IPO5: variants seen among roughly 807,000 people sequenced by gnomAD.
The protein encoded by IPO5 is importin 5, also known as importin-5.
In IPO5, 18 loss-of-function variants were observed where a neutral mutation model predicts 143.3. The observed-to-expected ratio is 0.13, with a 90% CI of 0.09 to 0.19. IPO5 has a LOEUF of 0.19. IPO5 is among the 10% of genes least tolerant of loss of function. The probability of loss-of-function intolerance (pLI) is 1.00; values close to 1 mark genes in which losing one functional copy is unlikely to be tolerated. For synonymous variants in IPO5, 477 were observed against 465.7 expected, an observed-to-expected ratio of 1.02 and a Z score of -0.31; for missense variants, 1,013 against 1,336.9, an observed-to-expected ratio of 0.76 and a Z score of 3.78.
Position 98,000,950 on chromosome 13 carries a change from ACT to A in IPO5, c.1108+308_1108+309del, listed in dbSNP as rs984968477. 8.7e-5 allele frequency: 28 copies of A among 322,864 alleles called. No homozygotes were observed. The East Asian group carries it at 1.4e-3, about 17-fold the overall frequency. The allele number at this position is 322,864 out of a possible 1,614,324, so 20.0% of individuals were successfully genotyped here. A position where few individuals can be genotyped will look rare whatever the true frequency, so the allele number is the denominator to read the frequency against. On this transcript the variant is annotated intron_variant, in intron 13 of 28. Coordinates refer to ENST00000651721, the MANE Select transcript of IPO5 (RefSeq NM_002271.6). Reference sequence around the variant, plus strand: ...ATATCTTTTATTTTTAAAAGAAGAAACTCTATCTAATGTTATCAAAAGAGAAA... The same window carrying A: ...ATATCTTTTATTTTTAAAAGAAGAAACTATCTAATGTTATCAAAAGAGAAA...
Position 97,969,173 on chromosome 13 carries a change from A to AT in IPO5, c.-112-549dup, listed in dbSNP as rs1363779886. Among the ~76,000 whole-genome samples the AT allele has an allele frequency of 7.7e-3, 540 of 70,050 alleles. 8 individuals carry two copies. The highest frequency in any genetic ancestry group is 0.012 in the African/African-American group (179 of 14,896). 46.0% of individuals were successfully genotyped at this position (70,050 alleles called of 152,430 possible). ...GCTAAGTATATATATATATATATAT[A>AT]TATTTTTTTTTTTTTTTTTTTTTTT... On this transcript the variant is annotated intron_variant, in intron 2 of 28. Coordinates refer to ENST00000651721, the MANE Select transcript of IPO5 (RefSeq NM_002271.6).
chr13:97,982,496 C>A lies in IPO5; in HGVS notation c.91-7C>A. 6.3e-7 allele frequency: 1 copy of A among 1,581,608 alleles called. No homozygotes were observed. On this transcript the variant is annotated splice_region_variant and splice_polypyrimidine_tract_variant and intron_variant, in intron 4 of 28. Transcript: ENST00000651721. Reference sequence around the variant, plus strand: ...TCTTTCCTAACCATTTTTTTTTTTCCATGCAGGAAACCTATGAGAATATCC... The same window carrying A: ...TCTTTCCTAACCATTTTTTTTTTTCAATGCAGGAAACCTATGAGAATATCC...
chr13:97,993,347 T>G, intron 11 of IPO5, 122 bp downstream of exon 11: 1 of 857,740 alleles, frequency 1.2e-6, no homozygotes, highest in South Asian at 1.7e-5. Context: ...TAGAATCAGA[T>G]GAATTTGGGA....
chr13:98,016,439 A>G (rs184106818), intron 24 of IPO5, among the ~76,000 whole-genome samples: 1 of 152,320 alleles, frequency 6.6e-6, no homozygotes, highest in African/African-American at 2.4e-5. Context: ...GAAATTAGAG[A>G]TAATTTTTCA....
At chr13:98,012,452 T>G in intron 21 of IPO5, 110 bp downstream of exon 21, 1 of 725,522 alleles carries the variant, frequency 1.4e-6, no homozygotes, top group Non-Finnish European at 2.5e-6. Context: ...TTGTTTGTAT[T>G]TGCACTAAGT....
At chr13:97,969,212 C>T (rs1594026569) in intron 2 of IPO5, among the ~76,000 whole-genome samples, 5 of 94,446 alleles carry the variant, frequency 5.3e-5, no homozygotes, top group Non-Finnish European at 5.8e-5. Context: ...TACGTAGTCT[C>T]GCTCTGTCAC....
chr13:98,005,711 G>A (rs1213029966), intron 16 of IPO5, among the ~76,000 whole-genome samples: 1 of 151,402 alleles, frequency 6.6e-6, no homozygotes, highest in Non-Finnish European at 1.5e-5. Flanking sequence ...GAAGATAAAG[G>A]AAGGGGCCAA....
intron 3 of IPO5, among the ~76,000 whole-genome samples, chr13:97,974,457 C>A (rs940895171): frequency 6.6e-6 from 1 of 151,906 alleles, no homozygotes; most frequent in African/African-American, 2.4e-5. Context: ...CAGGCGCCCA[C>A]CACCACCACA....
intron 11 of IPO5, 99 bp downstream of exon 11, chr13:97,993,324 A>G (rs533406691): frequency 9.8e-7 from 1 of 1,018,496 alleles, no homozygotes; most frequent in East Asian, 2.4e-5. Context: ...TGAGAATATA[A>G]TGAATATCCT....
chr13:97,963,739 C>T (rs568384840), intron 2 of IPO5, among the ~76,000 whole-genome samples: 1 of 152,168 alleles, frequency 6.6e-6, no homozygotes, highest in East Asian at 1.9e-4. Context: ...TTTTCGACTG[C>T]TTTGGTTACT....
chr13:97,987,420 A>G (rs1000143187), intron 6 of IPO5, among the ~76,000 whole-genome samples: 3 of 152,214 alleles, frequency 2.0e-5, no homozygotes, highest in African/African-American at 4.8e-5. Context: ...CCAGTAATAC[A>G]GTAAGTCCTT....
chr13:97,975,639 C>T (rs1369614479), intron 3 of IPO5: 1 of 152,228 alleles, frequency 6.6e-6, no homozygotes, highest in African/African-American at 2.4e-5. Context: ...TGAAATTACG[C>T]CTCTAGGTTC....
chr13:97,976,703 G>A lies in IPO5; in HGVS notation c.7G>A (p.Ala3Thr). ...CTCTCTCACGCCTAGCGCAATGGCG[G>A]CGGCCGCGGCGGAGCAGCAACAGTT... MA[A>T]AAAEQQQFYL... Residue 3 changes from alanine to threonine, a missense_variant, in exon 4 of 29, where the codon GCG becomes ACG. Ala to Thr is a moderately conservative substitution (Grantham distance 58). Coordinates refer to ENST00000651721, the MANE Select transcript of IPO5 (RefSeq NM_002271.6). The A allele has an allele frequency of 7.2e-7, 1 of 1,385,686 alleles. No homozygotes were observed. The highest frequency in any genetic ancestry group is 1.2e-5 in the South Asian group (1 of 80,594). 85.8% of individuals were successfully genotyped at this position (1,385,686 alleles called of 1,614,324 possible).
chr13:97,967,073 A>G (rs1341623256), intron 2 of IPO5, among the ~76,000 whole-genome samples: 3 of 152,146 alleles, frequency 2.0e-5, no homozygotes, highest in African/African-American at 7.2e-5. Flanking sequence ...CTAATTCAAT[A>G]GTTTTACTTG....
At chr13:98,012,799 T>G (rs1269336592) in intron 21 of IPO5, among the ~76,000 whole-genome samples, 1 of 136,780 alleles carries the variant, frequency 7.3e-6, no homozygotes, top group Non-Finnish European at 1.5e-5. Context: ...CAGCTAGATT[T>G]GATTTTTTTT....
chr13:98,006,541 A>AT (rs1421018201), intron 17 of IPO5, among the ~76,000 whole-genome samples, 193 bp downstream of exon 17: 5 of 151,106 alleles, frequency 3.3e-5, no homozygotes, highest in South Asian at 2.1e-4. Flanking sequence ...CGCCCGGCTA[A>AT]TTTTTTGTAT....
In IPO5 at chr13:97,975,865, G is replaced by A. The variant is rs577377480; in HGVS notation, c.-4-828G>A. On this transcript the variant is annotated intron_variant, in intron 3 of 28. Transcript: ENST00000651721. ...GGGCGGCCTGGCGGGACAGCCCCGG[G>A]CTGAGTAACCCCTCTTCCGGGCAAG... 63 of 973,368 alleles carry A rather than the reference G, an allele frequency of 6.5e-5. No homozygotes were observed. In the African/African-American group the frequency reaches 9.3e-4, roughly 14 times the overall value. 60.3% of individuals were successfully genotyped at this position (973,368 alleles called of 1,614,324 possible).
At chr13:98,014,552 A>G (rs765493891) in intron 22 of IPO5, among the ~76,000 whole-genome samples, 27 of 152,174 alleles carry the variant, frequency 1.8e-4, no homozygotes, top group Non-Finnish European at 3.1e-4. Context: ...AGCTAAATAA[A>G]TTTTTATATG....
intron 6 of IPO5, 82 bp downstream of exon 6, chr13:97,985,695 T>A: frequency 1.1e-6 from 1 of 875,276 alleles, no homozygotes; most frequent in Non-Finnish European, 1.8e-6. Context: ...TCTTTTAGAG[T>A]AAGATTCATA....
Sources: gnomAD v4.1 joint callset for allele counts (sites outside exome capture counted in the v4.1 genomes callset) on GRCh38, gnomAD v4.1.1 for gene constraint, MANE v1.5 for transcripts, NCBI Gene and HGNC (gene_info 2026-07-23, HGNC 2026-07-21) for gene names.